The following CACNA1H variants were observed in gnomAD, a reference collection of about 807,000 sequenced individuals.
The protein encoded by CACNA1H is voltage-dependent T-type calcium channel subunit alpha-1H.
CACNA1H carries 149 observed loss-of-function variants against 192.5 expected under a neutral mutation model. The ratio of observed to expected loss-of-function variants is 0.77; its 90% CI spans 0.68 to 0.89. The LOEUF is 0.89. Ranked by LOEUF, CACNA1H falls within the 40% of genes least tolerant of loss-of-function variation. The probability of loss-of-function intolerance (pLI) is 0.00; values close to 1 mark genes in which losing one functional copy is unlikely to be tolerated. For missense variants in CACNA1H, 4,257 were observed against 3,423.5 expected (o/e 1.24, Z -6.08); for synonymous variants, 2,202 against 1,475.2 (o/e 1.49, Z -11.29).
intron 2 of CACNA1H, among the ~76,000 whole-genome samples, chr16:1,187,830 C>T (rs545624246): frequency 7.9e-5 from 12 of 152,314 alleles, no homozygotes; most frequent in African/African-American, 2.9e-4. Context: ...GCTTTGATGC[C>T]TTAACTATCT....
At position 1,196,040 on chromosome 16, in the gene CACNA1H, G is replaced by C. The variant is rs371064473; in HGVS notation, c.643+17G>C. 1 of 1,600,414 alleles carries C rather than the reference G, an allele frequency of 6.2e-7. No homozygotes were observed. The highest frequency in any genetic ancestry group is 1.1e-5 in the South Asian group (1 of 90,802). On this transcript the variant is annotated intron_variant, in intron 5 of 34. Coordinates refer to ENST00000348261, the MANE Select transcript of CACNA1H (RefSeq NM_021098.3). ...GCGTGCCTAGTAAGTGACCGGCCCC[G>C]ACTGGGCTTGAGATCAACAGGCTTG...
chr16:1,176,067 C>T (rs371503684), intron 2 of CACNA1H, among the ~76,000 whole-genome samples: 14 of 152,222 alleles, frequency 9.2e-5, no homozygotes, highest in Non-Finnish European at 1.6e-4. Flanking sequence ...CAGGACACAC[C>T]GTGTCTAGCG....
intron 2 of CACNA1H, chr16:1,157,330 C>T (rs1962557736): frequency 6.6e-6 from 1 of 152,228 alleles, no homozygotes; most frequent in African/African-American, 2.4e-5. Context: ...TCACGGAGCT[C>T]TGAGATGGGG....
Position 1,218,253 on chromosome 16 carries a change from G to A in CACNA1H, c.5489G>A (p.Ser1830Asn), listed in dbSNP as rs567082516. 1.9e-6 allele frequency: 3 copies of A among 1,550,852 alleles called. No homozygotes were observed. The highest frequency in any genetic ancestry group is 2.0e-5 in the Admixed American group (1 of 51,056). ...TCCCGTGAGGACAAGCACTGCCTGA[G>A]CTACCTGCCGGCCCTGTCGCCCGTC... is the stretch of plus-strand genomic sequence containing the variant. ...ECSREDKHCLSYLPALSPVYF... is the reference protein window; with the variant it reads ...ECSREDKHCLNYLPALSPVYF... Residue 1830 changes from serine (S) to asparagine (N), a missense_variant, in exon 33 of 35, where the codon AGC becomes AAC. Transcript: ENST00000348261.
intron 2 of CACNA1H, among the ~76,000 whole-genome samples, chr16:1,154,451 G>T (rs1364395456): frequency 1.3e-5 from 2 of 152,206 alleles, no homozygotes; most frequent in African/African-American, 4.8e-5. Flanking sequence ...CCTCGCGGGG[G>T]AGGGGGAGGC....
chr16:1,206,913 T>TCCCC, intron 12 of CACNA1H, 88 bp from the exon 13 acceptor site: 1 of 70,704 alleles, frequency 1.4e-5, no homozygotes. Context: ...TGCCCCTCCC[T>TCCCC]CCTCCCACCC....
rs571254501 is a variant in CACNA1H at position 1,220,019 on chromosome 16, C to T, written c.6087C>T (p.Asp2029=). The T allele has an allele frequency of 8.8e-6, 12 of 1,358,612 alleles. No homozygotes were observed. Among genetic ancestry groups the T allele is most frequent in the South Asian group, 2.2e-5 (1 of 44,556 alleles). The allele number at this position is 1,358,612 out of a possible 1,614,324, so 84.2% of individuals were successfully genotyped here. Residue 2029 remains aspartate, a synonymous_variant, in exon 35 of 35, where the codon GAC becomes GAT. Transcript: ENST00000348261. ...CCGATTCCTTGGAAGGGAAGATTGA[C>T]AGCCCTAGGGACACCCTGGATCCTG... The part of the protein sequence containing the change: ...VHTDSLEGKI[D]SPRDTLDPAE...
intron 2 of CACNA1H, among the ~76,000 whole-genome samples, chr16:1,187,389 C>T (rs1321716964): frequency 1.3e-5 from 2 of 152,330 alleles, no homozygotes; most frequent in East Asian, 1.9e-4. Context: ...CTGTGCCCTG[C>T]AAGGCATGGG....
intron 2 of CACNA1H, among the ~76,000 whole-genome samples, chr16:1,192,901 A>G (rs544682090): frequency 1.3e-5 from 2 of 152,190 alleles, no homozygotes; most frequent in Admixed American, 6.5e-5. Context: ...CCCAACTTGA[A>G]GGAGAGTGTG....
intron 22 of CACNA1H, 22 bp from the exon 23 acceptor site, chr16:1,211,459 G>C (rs72552042): frequency 5.3e-5 from 85 of 1,612,148 alleles, no homozygotes; most frequent in Non-Finnish European, 6.1e-5. Flanking sequence ...GGCCCTCCGC[G>C]GTGACCGTCG....
rs1226634173 is a variant in CACNA1H at position 1,211,303 on chromosome 16, C to T, written c.4350+9C>T. 1.2e-6 allele frequency: 2 copies of T among 1,611,876 alleles called. No homozygotes were observed. Among genetic ancestry groups the T allele is most frequent in the Non-Finnish European group, 1.7e-6 (2 of 1,178,918 alleles). On this transcript the variant is annotated intron_variant, in intron 22 of 34. Transcript: ENST00000348261. The stretch of plus-strand genomic sequence containing the variant: ...GCATTTTGGGTGTGCAGGTGTGTGG[C>T]CCCCACGTGCCCGGGGGTCTGCCCC...
At chr16:1,215,175 G>T in intron 28 of CACNA1H, 67 bp from the exon 29 acceptor site, 3 of 1,580,334 alleles carry the variant, frequency 1.9e-6, no homozygotes, top group Non-Finnish European at 2.6e-6. Flanking sequence ...ACGGAGGTCT[G>T]CAGAAGCAAC....
intron 11 of CACNA1H, 22 bp from the exon 12 acceptor site, chr16:1,206,082 C>T: frequency 6.5e-7 from 1 of 1,546,050 alleles, no homozygotes; most frequent in South Asian, 1.2e-5. Context: ...CCCCGCTGAC[C>T]CTCGCCCCCA....
intron 2 of CACNA1H, among the ~76,000 whole-genome samples, chr16:1,166,434 C>T (rs1027856433): frequency 1.3e-5 from 2 of 152,226 alleles, no homozygotes; most frequent in African/African-American, 4.8e-5. Context: ...AGCCCGGCAC[C>T]AACTCATTCC....
At chr16:1,155,448 C>G (rs549705849) in intron 2 of CACNA1H, among the ~76,000 whole-genome samples, 1 of 152,324 alleles carries the variant, frequency 6.6e-6, no homozygotes, top group African/African-American at 2.4e-5. Context: ...TAGGAGGTGA[C>G]TGGGTGTGGG....
chr16:1,209,605 C>G, intron 17 of CACNA1H, 193 bp downstream of exon 17: 1 of 690,482 alleles, frequency 1.4e-6, no homozygotes, highest in Non-Finnish European at 2.4e-6. Flanking sequence ...CCAGAGTCCC[C>G]CCTCTGCCGT....
In CACNA1H at chr16:1,158,800, C is replaced by T. The variant is rs560922451; in HGVS notation, c.299+4764C>T. Reference sequence around the variant, plus strand: ...CACAACCGCTCCTGCCCCGCCGCACCCCCGGCCCCGCAGGGCGCCACTCAG... The same window carrying T: ...CACAACCGCTCCTGCCCCGCCGCACTCCCGGCCCCGCAGGGCGCCACTCAG... On this transcript the variant is annotated intron_variant, in intron 2 of 34. Coordinates refer to ENST00000348261, the MANE Select transcript of CACNA1H (RefSeq NM_021098.3). Among the ~76,000 whole-genome samples the T allele has an allele frequency of 4.9e-3, 751 of 152,160 alleles. 7 individuals are homozygous for T. Among genetic ancestry groups the T allele is most frequent in the African/African-American group, 0.017 (706 of 41,546 alleles).
chr16:1,160,517 C>T (rs893392521), intron 2 of CACNA1H, among the ~76,000 whole-genome samples: 9 of 152,284 alleles, frequency 5.9e-5, no homozygotes, highest in Admixed American at 2.0e-4. Flanking sequence ...GTCTGGGCAC[C>T]GTCCCCAGAG....
chr16:1,200,363 A>G lies in CACNA1H; in HGVS notation c.911A>G (p.His304Arg), dbSNP rs2141242560. ...GACAACGGCATGCAGAAGTGCTCGCACATCCCCGGCCGCCGCGAGCTGCGC... is the reference window on the plus strand; with the variant it reads ...GACAACGGCATGCAGAAGTGCTCGCGCATCCCCGGCCGCCGCGAGCTGCGC... ...RRDNGMQKCS[H>R]IPGRRELRMP... Residue 304 changes from histidine to arginine, a missense_variant, in exon 7 of 35, where the codon CAC (histidine) becomes CGC (arginine). Transcript: ENST00000348261. 6.3e-7 allele frequency: 1 copy of G among 1,599,978 alleles called. No homozygotes were observed. The highest frequency in any genetic ancestry group is 2.3e-5 in the East Asian group (1 of 44,086).
Sources: allele counts gnomAD v4.1 joint callset (sites outside exome capture counted in the v4.1 genomes callset), GRCh38; gene constraint gnomAD v4.1.1; transcripts MANE v1.5; gene names NCBI Gene and HGNC (gene_info 2026-07-23, HGNC 2026-07-21).